MACROD2: variants seen among roughly 807,000 people sequenced by gnomAD.
MACROD2 encodes the protein mono-ADP ribosylhydrolase 2, also known as ADP-ribose glycohydrolase MACROD2.
Under a neutral mutation model 70.4 loss-of-function variants are expected in MACROD2, and 36 were observed. The ratio of observed to expected loss-of-function variants is 0.51; its 90% CI spans 0.39 to 0.68. The LOEUF is 0.68. Ranked by LOEUF, MACROD2 falls within the 30% of genes least tolerant of loss-of-function variation. The pLI, the probability that MACROD2 is intolerant of heterozygous loss-of-function variation, is 0.00. For synonymous variants in MACROD2, 172 were observed against 178.8 expected, an observed-to-expected ratio of 0.96 and a Z score of 0.30; for missense variants, 496 against 538.4, an observed-to-expected ratio of 0.92 and a Z score of 0.78.
chr20:15,872,822 A>T (rs907723083), intron 9 of MACROD2, among the ~76,000 whole-genome samples: 1 of 152,192 alleles, frequency 6.6e-6, no homozygotes, highest in Non-Finnish European at 1.5e-5. Flanking sequence ...GATGAATTAC[A>T]TTTTGTTGCT....
At chr20:14,492,750 A>G (rs778444505) in intron 3 of MACROD2, among the ~76,000 whole-genome samples, 7 of 152,100 alleles carry the variant, frequency 4.6e-5, no homozygotes, top group African/African-American at 7.2e-5. Flanking sequence ...TGTATATTGA[A>G]TTATGCTTTC....
In MACROD2 at chr20:14,839,723, G is replaced by A. The variant is rs181821401; in HGVS notation, c.418+154764G>A. Among the ~76,000 whole-genome samples, 113 of 152,146 alleles carry A rather than the reference G, an allele frequency of 7.4e-4. 1 individual carries two copies. The highest frequency in any genetic ancestry group is 2.6e-3 in the African/African-American group (106 of 41,508). On this transcript the variant is annotated intron_variant, in intron 5 of 17. Transcript: ENST00000684519. ...TTGGGTAAAACTTATATTTGGAAGA[G>A]GAGAACTGATTTTTGGATATTAGGA...
rs117442774 is a variant in MACROD2 at position 15,019,165 on chromosome 20, G to A, written c.419-210775G>A. Among the ~76,000 whole-genome samples, 1,174 of 150,588 alleles carry A rather than the reference G, an allele frequency of 7.8e-3. 18 individuals are homozygous for A. Among genetic ancestry groups the A allele is most frequent in the East Asian group, 0.027 (137 of 5,110 alleles). On this transcript the variant is annotated intron_variant, in intron 5 of 17. Transcript: ENST00000684519. The stretch of plus-strand genomic sequence containing the variant: ...CTTCTTCCTCTGAACACACACACAC[G>A]CGCGCGCGCGCGCGGAGAGAGTTTT...
At chr20:15,703,771 T>A (rs1477779766) in intron 8 of MACROD2, among the ~76,000 whole-genome samples, 1 of 152,190 alleles carries the variant, frequency 6.6e-6, no homozygotes, top group Non-Finnish European at 1.5e-5. Context: ...ATACAGTGAA[T>A]GCACCGTTGA....
intron 5 of MACROD2, among the ~76,000 whole-genome samples, chr20:14,700,414 A>C (rs533031842): frequency 6.6e-6 from 1 of 152,102 alleles, no homozygotes; most frequent in Non-Finnish European, 1.5e-5. Context: ...ATCTAGCAAA[A>C]GGTAAAAAAA....
chr20:14,137,030 T>C (rs1263320896), intron 3 of MACROD2, among the ~76,000 whole-genome samples: 1 of 152,170 alleles, frequency 6.6e-6, no homozygotes, highest in Non-Finnish European at 1.5e-5. Context: ...GAGATGTGCT[T>C]TAAGCACATC....
chr20:15,385,758 G>T (rs927997139), intron 6 of MACROD2, among the ~76,000 whole-genome samples: 2 of 152,018 alleles, frequency 1.3e-5, no homozygotes, highest in Admixed American at 6.5e-5. Context: ...TTTGTGTCTT[G>T]CACTAAAGTT....
chr20:15,247,371 GAA>G (rs990909696), intron 6 of MACROD2, among the ~76,000 whole-genome samples: 2 of 152,154 alleles, frequency 1.3e-5, no homozygotes, highest in Non-Finnish European at 2.9e-5. Context: ...GAGTTTGCAT[GAA>G]AAGTCATCTT....
At chr20:15,402,742 G>A (rs192615854) in intron 6 of MACROD2, among the ~76,000 whole-genome samples, 15 of 152,280 alleles carry the variant, frequency 9.9e-5, no homozygotes, top group African/African-American at 1.7e-4. Flanking sequence ...GTCCTTCTCC[G>A]TTGCTGTACA....
intron 8 of MACROD2, among the ~76,000 whole-genome samples, chr20:15,588,546 C>T (rs951483583): frequency 1.3e-5 from 2 of 152,146 alleles, no homozygotes; most frequent in African/African-American, 4.8e-5. Flanking sequence ...GCTCTGTTTA[C>T]CTTTTAAAAT....
At chr20:14,623,434 C>T (rs1983948814) in intron 4 of MACROD2, among the ~76,000 whole-genome samples, 1 of 152,128 alleles carries the variant, frequency 6.6e-6, no homozygotes, top group African/African-American at 2.4e-5. Context: ...GAGAATTTAA[C>T]ACCCTGGCAA....
intron 8 of MACROD2, among the ~76,000 whole-genome samples, chr20:15,743,761 G>A (rs998121677): frequency 6.6e-5 from 10 of 152,046 alleles, no homozygotes; most frequent in African/African-American, 1.4e-4. Flanking sequence ...AAGTTCTCTC[G>A]TTTAGCACAG....
intron 8 of MACROD2, among the ~76,000 whole-genome samples, chr20:15,775,662 A>G (rs1259928943): frequency 6.6e-6 from 1 of 152,138 alleles, no homozygotes; most frequent in Non-Finnish European, 1.5e-5. Context: ...ACACTTTGCT[A>G]GATTGTGAAA....
chr20:14,075,616 A>T (rs1435397486), intron 2 of MACROD2, among the ~76,000 whole-genome samples: 1 of 151,782 alleles, frequency 6.6e-6, no homozygotes, highest in African/African-American at 2.4e-5. Flanking sequence ...GCCATCTTTG[A>T]TTTCCCCTTT....
chr20:14,867,237 T>C (rs2073437823), intron 5 of MACROD2, among the ~76,000 whole-genome samples: 1 of 152,184 alleles, frequency 6.6e-6, no homozygotes, highest in Admixed American at 6.6e-5. Flanking sequence ...GGCATTATTT[T>C]CTTTGAGGGA....
chr20:14,550,783 A>C (rs1003419674), intron 4 of MACROD2, among the ~76,000 whole-genome samples: 1 of 152,216 alleles, frequency 6.6e-6, no homozygotes, highest in Non-Finnish European at 1.5e-5. Flanking sequence ...GATCATAGTC[A>C]GTATTCAATG....
chr20:15,945,514 A>T (rs2065810143), intron 12 of MACROD2, among the ~76,000 whole-genome samples: 1 of 152,182 alleles, frequency 6.6e-6, no homozygotes, highest in Non-Finnish European at 1.5e-5. Context: ...TGATGCTTTT[A>T]TTTGTATGGA....
intron 8 of MACROD2, among the ~76,000 whole-genome samples, chr20:15,517,601 A>T (rs2047586636): frequency 1.3e-5 from 2 of 152,192 alleles, no homozygotes; most frequent in Non-Finnish European, 2.9e-5. Context: ...ATGTTCACTG[A>T]ACAAAAAGTA....
intron 12 of MACROD2, among the ~76,000 whole-genome samples, chr20:15,956,641 G>A (rs1290286368): frequency 1.3e-5 from 2 of 152,174 alleles, no homozygotes; most frequent in African/African-American, 4.8e-5. Context: ...CTCTCAAAGA[G>A]TGTTCCCTGG....
Sources: gnomAD v4.1 joint callset for allele counts (sites outside exome capture counted in the v4.1 genomes callset) on GRCh38, gnomAD v4.1.1 for gene constraint, MANE v1.5 for transcripts, NCBI Gene and HGNC (gene_info 2026-07-23, HGNC 2026-07-21) for gene names.